The following CNTNAP2 variants were observed in gnomAD, a reference collection of about 807,000 sequenced individuals.
CNTNAP2 encodes contactin associated protein 2.
A neutral mutation model predicts 155.2 loss-of-function variants in CNTNAP2; 98 were observed. The ratio of observed to expected loss-of-function variants is 0.63; its 90% CI spans 0.54 to 0.75. The LOEUF (loss-of-function observed/expected upper bound fraction) is 0.75, where lower values mean the gene tolerates loss of function less well. CNTNAP2 is among the 30% of genes least tolerant of loss of function. The probability of loss-of-function intolerance (pLI) is 0.00; values close to 1 mark genes in which losing one functional copy is unlikely to be tolerated. For synonymous variants in CNTNAP2, 651 were observed against 631.2 expected, an observed-to-expected ratio of 1.03 and a Z score of -0.47; for missense variants, 1,727 against 1,688.1, an observed-to-expected ratio of 1.02 and a Z score of -0.40.
intron 1 of CNTNAP2, among the ~76,000 whole-genome samples, chr7:146,692,122 A>G (rs1478767953): frequency 2.6e-5 from 4 of 152,124 alleles, no homozygotes; most frequent in African/African-American, 4.8e-5. Flanking sequence ...TATGTTTTTC[A>G]TCTCTAGTTA....
intron 1 of CNTNAP2, among the ~76,000 whole-genome samples, chr7:146,478,654 C>A (rs1323603415): frequency 6.6e-6 from 1 of 151,732 alleles, no homozygotes; most frequent in Non-Finnish European, 1.5e-5. Context: ...ATCCAGATAA[C>A]CAACCCCTCC....
intron 1 of CNTNAP2, among the ~76,000 whole-genome samples, chr7:146,213,486 G>A (rs916010549): frequency 2.0e-5 from 3 of 152,194 alleles, no homozygotes; most frequent in Non-Finnish European, 4.4e-5. Flanking sequence ...TCAAATGTCA[G>A]ATTCCTTTTA....
At chr7:147,105,020 G>T (rs1348519273) in intron 4 of CNTNAP2, among the ~76,000 whole-genome samples, 1 of 149,794 alleles carries the variant, frequency 6.7e-6, no homozygotes. Context: ...GATTTTTCGT[G>T]GTTGGGATTC....
At chr7:146,628,992 T>C (rs767493939) in intron 1 of CNTNAP2, among the ~76,000 whole-genome samples, 1 of 152,208 alleles carries the variant, frequency 6.6e-6, no homozygotes, top group Non-Finnish European at 1.5e-5. Context: ...ACCTGTGAGA[T>C]AGTGTTCCAC....
intron 1 of CNTNAP2, among the ~76,000 whole-genome samples, chr7:146,356,574 A>C (rs1295954649): frequency 6.6e-6 from 1 of 152,184 alleles, no homozygotes; most frequent in African/African-American, 2.4e-5. Flanking sequence ...ATACAAAGTA[A>C]ATTCTTTCAC....
intron 1 of CNTNAP2, among the ~76,000 whole-genome samples, chr7:146,638,001 T>G (rs1174396474): frequency 6.6e-6 from 1 of 152,234 alleles, no homozygotes; most frequent in Admixed American, 6.5e-5. Context: ...ATAAGGACCT[T>G]GTATCTAGTC....
At chr7:147,358,304 T>C (rs1434732941) in intron 9 of CNTNAP2, among the ~76,000 whole-genome samples, 3 of 152,164 alleles carry the variant, frequency 2.0e-5, no homozygotes, top group Non-Finnish European at 2.9e-5. Flanking sequence ...CTCTTCTCTA[T>C]AAGCAAACCT....
intron 4 of CNTNAP2, among the ~76,000 whole-genome samples, chr7:147,077,547 A>C (rs925375516): frequency 2.6e-5 from 4 of 152,168 alleles, no homozygotes; most frequent in Non-Finnish European, 5.9e-5. Flanking sequence ...CTGTTTCTCC[A>C]GTCTTTTACC....
chr7:146,290,917 A>G (rs1477758690), intron 1 of CNTNAP2, among the ~76,000 whole-genome samples: 3 of 152,204 alleles, frequency 2.0e-5, no homozygotes, highest in African/African-American at 7.2e-5. Flanking sequence ...AGTAGCTGAT[A>G]TGTATTGGAT....
chr7:147,942,834 G>A (rs919757416), intron 14 of CNTNAP2, among the ~76,000 whole-genome samples: 3 of 152,004 alleles, frequency 2.0e-5, no homozygotes, highest in South Asian at 2.1e-4. Context: ...TCAGGAGATC[G>A]AGACCATCCT....
intron 2 of CNTNAP2, among the ~76,000 whole-genome samples, chr7:146,803,438 G>A (rs1437267505): frequency 1.3e-5 from 2 of 152,172 alleles, no homozygotes; most frequent in Admixed American, 6.5e-5. Context: ...ATCCCCTAGT[G>A]CACATAATCT....
rs73462769 is a variant in CNTNAP2, at chr7:146,463,640, G to A, written c.98-310631G>A. ...TACATATATGCACATGTATGAATAC[G>A]AGTAATATATACACATACATATGTG... On this transcript the variant is annotated intron_variant, in intron 1 of 23. Coordinates refer to ENST00000361727, the MANE Select transcript of CNTNAP2 (RefSeq NM_014141.6). Among the ~76,000 whole-genome samples, 1,047 of 151,580 alleles carry A rather than the reference G, an allele frequency of 6.9e-3. 16 individuals are homozygous for A. Among genetic ancestry groups the A allele is most frequent in the African/African-American group, 0.024 (999 of 41,302 alleles).
intron 1 of CNTNAP2, among the ~76,000 whole-genome samples, chr7:146,529,805 A>C (rs1333223809): frequency 6.6e-6 from 1 of 152,022 alleles, no homozygotes; most frequent in East Asian, 1.9e-4. Context: ...TCTCTACTAA[A>C]AATACAAAAA....
chr7:146,137,861 CAT>C (rs1326164384), intron 1 of CNTNAP2, among the ~76,000 whole-genome samples: 4 of 151,280 alleles, frequency 2.6e-5, no homozygotes, highest in African/African-American at 4.9e-5. Context: ...TAAAAATAAA[CAT>C]GTAGAAAAGA....
intron 1 of CNTNAP2, among the ~76,000 whole-genome samples, chr7:146,134,153 G>A (rs572121696): frequency 6.6e-6 from 1 of 151,870 alleles, no homozygotes; most frequent in Non-Finnish European, 1.5e-5. Flanking sequence ...TGGATTCCTA[G>A]GTATTTTATT....
chr7:146,999,576 G>A (rs1798383272), intron 3 of CNTNAP2, among the ~76,000 whole-genome samples: 1 of 151,884 alleles, frequency 6.6e-6, no homozygotes, highest in Admixed American at 6.6e-5. Flanking sequence ...TTTGTAAGGT[G>A]GTGACTAACT....
rs1006106985 is a variant in CNTNAP2, at chr7:148,060,504, T to C, written c.2384-57614T>C. Among the ~76,000 whole-genome samples the C allele has an allele frequency of 3.1e-4, 47 of 152,334 alleles. 1 individual carries two copies. The highest frequency in any genetic ancestry group is 1.0e-3 in the African/African-American group (43 of 41,586). On this transcript the variant is annotated intron_variant, in intron 15 of 23. Transcript: ENST00000361727. Reference sequence around the variant, plus strand: ...ATAAATATTTGTTGATCAATAGTTATACCTTGAATCCTTTATCTATTAGAA... The same window carrying C: ...ATAAATATTTGTTGATCAATAGTTACACCTTGAATCCTTTATCTATTAGAA...
At chr7:148,042,867 A>G (rs1001582691) in intron 15 of CNTNAP2, among the ~76,000 whole-genome samples, 7 of 152,254 alleles carry the variant, frequency 4.6e-5, no homozygotes, top group Non-Finnish European at 8.8e-5. Flanking sequence ...GGAAGCAGGA[A>G]GCCATGAATG....
rs950593363 is a variant in CNTNAP2, at chr7:146,329,650, A to G, written c.97+212677A>G. On this transcript the variant is annotated intron_variant, in intron 1 of 23. Coordinates refer to ENST00000361727, the MANE Select transcript of CNTNAP2 (RefSeq NM_014141.6). ...CGATTTTTATTATGTCAGTTTCTCT[A>G]CTCTCTTGTTATGTACCAAATTCTA... Among the ~76,000 whole-genome samples the G allele has an allele frequency of 1.4e-4, 22 of 152,088 alleles. 1 individual carries two copies. The highest frequency in any genetic ancestry group is 8.3e-4 in the South Asian group (4 of 4,824).
Sources: gnomAD v4.1 joint callset for allele counts (sites outside exome capture counted in the v4.1 genomes callset) on GRCh38, gnomAD v4.1.1 for gene constraint, MANE v1.5 for transcripts, NCBI Gene and HGNC (gene_info 2026-07-23, HGNC 2026-07-21) for gene names.